Variants in RPGRIP1L observed in about 807,000 individuals in gnomAD.
RPGRIP1L encodes protein fantom.
RPGRIP1L carries 131 observed loss-of-function variants against 160.4 expected under a neutral mutation model. The observed-to-expected ratio is 0.82, with a 90% CI of 0.71 to 0.94. The LOEUF (loss-of-function observed/expected upper bound fraction) is 0.94. RPGRIP1L is among the 40% of genes least tolerant of loss of function. RPGRIP1L has a pLI of 0.00. For missense variants in RPGRIP1L, 1,522 were observed against 1,535.8 expected, an observed-to-expected ratio of 0.99 and a Z score of 0.15; for synonymous variants, 510 against 515.8, an observed-to-expected ratio of 0.99 and a Z score of 0.15.
chr16:53,608,222 G>A (rs1369527964), intron 25 of RPGRIP1L, among the ~76,000 whole-genome samples: 1 of 152,024 alleles, frequency 6.6e-6, no homozygotes, highest in Non-Finnish European at 1.5e-5. Flanking sequence ...TGAGCTTTTT[G>A]TGACTTGACT....
At chr16:53,674,500 A>G (rs1467611328) in intron 7 of RPGRIP1L, among the ~76,000 whole-genome samples, 1 of 152,128 alleles carries the variant, frequency 6.6e-6, no homozygotes, top group African/African-American at 2.4e-5. Context: ...AAATAAATAC[A>G]CTGATAGTTG....
chr16:53,620,377 G>T (rs1033014453), intron 23 of RPGRIP1L, among the ~76,000 whole-genome samples: 3 of 151,962 alleles, frequency 2.0e-5, no homozygotes, highest in African/African-American at 7.3e-5. Flanking sequence ...TGTATTCTAA[G>T]ACACTTTAAC....
intron 22 of RPGRIP1L, among the ~76,000 whole-genome samples, chr16:53,624,270 T>C (rs1234578973): frequency 6.6e-6 from 1 of 152,198 alleles, no homozygotes; most frequent in Non-Finnish European, 1.5e-5. Context: ...ATATTTATTA[T>C]GGCTGGGCGC....
chr16:53,695,811 T>C (rs1000570394), intron 3 of RPGRIP1L: 4 of 322,962 alleles, frequency 1.2e-5, no homozygotes, highest in East Asian at 1.4e-4. Flanking sequence ...TTTTAAAACT[T>C]TCATTTTAAA....
At chr16:53,651,779 T>C (rs559883752) in intron 15 of RPGRIP1L, among the ~76,000 whole-genome samples, 10 of 152,258 alleles carry the variant, frequency 6.6e-5, no homozygotes, top group Admixed American at 2.0e-4. Flanking sequence ...GGGGGTAGTT[T>C]TGTCTGTCTT....
chr16:53,686,016 T>C (rs1388160973), intron 6 of RPGRIP1L, among the ~76,000 whole-genome samples: 1 of 152,194 alleles, frequency 6.6e-6, no homozygotes, highest in South Asian at 2.1e-4. Flanking sequence ...GATTACAAAC[T>C]GGTACCATAT....
At chr16:53,652,102 G>A (rs921482441) in intron 15 of RPGRIP1L, among the ~76,000 whole-genome samples, 15 of 152,132 alleles carry the variant, frequency 9.9e-5, no homozygotes, top group East Asian at 5.8e-4. Flanking sequence ...ATGGAAGAGC[G>A]AAAGCTCTTG....
intron 21 of RPGRIP1L, 24 bp from the exon 22 acceptor site, chr16:53,636,536 C>T (rs1249736951): frequency 6.5e-7 from 1 of 1,548,436 alleles, no homozygotes; most frequent in South Asian, 1.1e-5. Flanking sequence ...AAAAGGGTAA[C>T]ATTTACACAA....
intron 2 of RPGRIP1L, among the ~76,000 whole-genome samples, chr16:53,699,654 T>C (rs533374110): frequency 6.6e-6 from 1 of 152,194 alleles, no homozygotes; most frequent in Admixed American, 6.5e-5. Flanking sequence ...AACAATAAAA[T>C]CTGTGTAGCC....
At chr16:53,687,639 AAAG>A (rs1159206154) in intron 5 of RPGRIP1L, among the ~76,000 whole-genome samples, 1 of 152,172 alleles carries the variant, frequency 6.6e-6, no homozygotes, top group Admixed American at 6.5e-5. Context: ...AAATTATAAT[AAAG>A]AAGACTATTA....
intron 6 of RPGRIP1L, among the ~76,000 whole-genome samples, chr16:53,676,687 G>A (rs1341942369): frequency 6.6e-6 from 1 of 152,038 alleles, no homozygotes; most frequent in African/African-American, 2.4e-5. Context: ...AGGCTGGAGT[G>A]TAGTGGCGCG....
chr16:53,635,759 G>A (rs943467361), intron 22 of RPGRIP1L: 2 of 151,988 alleles, frequency 1.3e-5, no homozygotes, highest in Non-Finnish European at 2.9e-5. Flanking sequence ...TAACATAGAT[G>A]AATAGAAAAA....
rs545586607 is a variant in RPGRIP1L at position 53,607,904 on chromosome 16, C to A, written c.3702-2290G>T. 12 of 775,110 alleles carry A rather than the reference C, an allele frequency of 1.5e-5. No homozygotes were observed. The African/African-American group carries it at 2.2e-4, about 15-fold the overall frequency. 48.0% of individuals were successfully genotyped at this position (775,110 alleles called of 1,614,324 possible). On this transcript the variant is annotated intron_variant, in intron 25 of 26. Transcript: ENST00000647211. The stretch of plus-strand genomic sequence containing the variant: ...AAAAAATAACGAAAAGACACACACA[C>A]AAATCTTTTATCTTACTTTCAACAC...
intron 3 of RPGRIP1L, chr16:53,694,570 A>G (rs573783105): frequency 6.6e-6 from 1 of 152,138 alleles, no homozygotes; most frequent in Non-Finnish European, 1.5e-5. Flanking sequence ...GCTCAGTCCA[A>G]TGGCGCGATC....
rs530136944 is a variant in RPGRIP1L, at chr16:53,696,789, T to C, written c.86-494A>G. 3.9e-5 allele frequency among the ~76,000 whole-genome samples: 6 copies of C among 152,366 alleles called. No individual in the cohort carries two copies. The South Asian group carries it at 8.3e-4, about 21-fold the overall frequency. ...AAAAAACCCCTAAATTTAAAAATTT[T>C]CATTTAAAAGCTTCACAAATAATTT... On this transcript the variant is annotated intron_variant, in intron 2 of 26. Transcript: ENST00000647211.
chr16:53,648,347 T>A (rs981194640), intron 16 of RPGRIP1L, among the ~76,000 whole-genome samples: 17 of 152,124 alleles, frequency 1.1e-4, no homozygotes, highest in African/African-American at 3.9e-4. Flanking sequence ...GTTCAGAAAC[T>A]TAACATGAGG....
chr16:53,602,182 T>C lies in RPGRIP1L; in HGVS notation c.3842A>G (p.Asp1281Gly). Residue 1281 changes from aspartate (D) to glycine (G), a missense_variant, in exon 27 of 27, where the codon GAT (aspartate) becomes GGT (glycine). Asp to Gly is a moderately conservative substitution (Grantham distance 94, BLOSUM62 -1). Coordinates refer to ENST00000647211, the MANE Select transcript of RPGRIP1L (RefSeq NM_015272.5). Reference protein sequence around the residue: ...DLIEQNIDVFDARADGEGIGK... With the variant: ...DLIEQNIDVFGARADGEGIGK... ...AATACCTTCACCATCTGCTCGTGCA[T>C]CAAAAACTAGGGAGAAAAGAGCAGG... is the stretch of plus-strand genomic sequence containing the variant. 1 of 1,610,566 alleles carries C rather than the reference T, an allele frequency of 6.2e-7. No individual in the cohort carries two copies. The highest frequency in any genetic ancestry group is 8.5e-7 in the Non-Finnish European group (1 of 1,176,934).
At chr16:53,686,848 A>C (rs985795756) in intron 5 of RPGRIP1L, among the ~76,000 whole-genome samples, 2 of 152,200 alleles carry the variant, frequency 1.3e-5, no homozygotes, top group East Asian at 3.8e-4. Context: ...TTTATTGTGG[A>C]GTACACCTAC....
Position 53,645,776 on chromosome 16 carries a change from G to A in RPGRIP1L, c.2532C>T (p.Phe844=), listed in dbSNP as rs760455293. ...NDPQFDDHMY[F]PVPMNMDLDR... Reference sequence around the variant, plus strand: ...CCAAGTCCATATTCATTGGCACTGGGAAATACATATGATCATCAAACTGTG... The same window carrying A: ...CCAAGTCCATATTCATTGGCACTGGAAAATACATATGATCATCAAACTGTG... Residue 844 remains phenylalanine, a synonymous_variant, in exon 17 of 27, where the codon TTC becomes TTT. Transcript: ENST00000647211. 6 of 1,614,104 alleles carry A rather than the reference G, an allele frequency of 3.7e-6. No homozygotes were observed. In the South Asian group the frequency reaches 5.5e-5, roughly 15 times the overall value.
Sources: gnomAD v4.1 joint callset for allele counts (sites outside exome capture counted in the v4.1 genomes callset) on GRCh38, gnomAD v4.1.1 for gene constraint, MANE v1.5 for transcripts, NCBI Gene and HGNC (gene_info 2026-07-23, HGNC 2026-07-21) for gene names.